The following PPP1R1C variants were observed in gnomAD, a reference collection of about 807,000 sequenced individuals.
The protein encoded by PPP1R1C is protein phosphatase 1 regulatory subunit 1C.
A neutral mutation model predicts 17.4 loss-of-function variants in PPP1R1C; 15 were observed. The observed-to-expected ratio is 0.86, with a 90% confidence interval of 0.58 to 1.33. The LOEUF (loss-of-function observed/expected upper bound fraction) is 1.33, where lower values mean the gene tolerates loss of function less well. Ranked by LOEUF, PPP1R1C falls within the 40% of genes most tolerant of loss-of-function variation. The pLI, the probability that PPP1R1C is intolerant of heterozygous loss-of-function variation, is 0.00. For synonymous variants in PPP1R1C, 35 were observed against 43.1 expected (o/e 0.81, Z 0.73); for missense variants, 143 against 130.0 (o/e 1.10, Z -0.48).
chr2:182,032,337 C>G (rs963482346), intron 2 of PPP1R1C, among the ~76,000 whole-genome samples: 13 of 152,208 alleles, frequency 8.5e-5, no homozygotes, highest in African/African-American at 2.9e-4. Flanking sequence ...TGAGACCTAC[C>G]CTGTCTACCA....
At chr2:182,018,658 A>G (rs910825637) in intron 2 of PPP1R1C, among the ~76,000 whole-genome samples, 1 of 152,234 alleles carries the variant, frequency 6.6e-6, no homozygotes, top group African/African-American at 2.4e-5. Context: ...TCTATGAGCT[A>G]GAACATGATG....
chr2:182,083,200 C>T (rs1352854592), intron 4 of PPP1R1C, among the ~76,000 whole-genome samples: 1 of 152,116 alleles, frequency 6.6e-6, no homozygotes, highest in Non-Finnish European at 1.5e-5. Context: ...TGGTTTCAGT[C>T]TTCAAAACAA....
At chr2:181,966,413 C>T (rs1285632908) in intron 1 of PPP1R1C, among the ~76,000 whole-genome samples, 2 of 152,078 alleles carry the variant, frequency 1.3e-5, no homozygotes, top group African/African-American at 4.8e-5. Context: ...CAGTTTTTCC[C>T]CATTCAGTAT....
intron 4 of PPP1R1C, among the ~76,000 whole-genome samples, chr2:182,091,566 G>A (rs1208510839): frequency 1.3e-5 from 2 of 152,088 alleles, no homozygotes; most frequent in African/African-American, 2.4e-5. Flanking sequence ...TTATTTCTAG[G>A]ATAGAAGATA....
At chr2:182,101,220 A>G (rs1453936155) in intron 4 of PPP1R1C, among the ~76,000 whole-genome samples, 2 of 152,208 alleles carry the variant, frequency 1.3e-5, no homozygotes, top group South Asian at 2.1e-4. Context: ...GCAGCCTCCA[A>G]TTGTAGAAAA....
At chr2:182,043,937 G>A (rs2701664) in intron 2 of PPP1R1C, among the ~76,000 whole-genome samples, 115,845 of 152,052 alleles carry the variant, frequency 0.76, 44,433 homozygotes, top group African/African-American at 0.79. Context: ...TGGATAATCA[G>A]TAAGCACCAC....
intron 4 of PPP1R1C, among the ~76,000 whole-genome samples, chr2:182,068,192 C>G (rs1688042455): frequency 6.6e-6 from 1 of 152,106 alleles, no homozygotes; most frequent in African/African-American, 2.4e-5. Context: ...TCTCACTTCT[C>G]TCATGGGGAA....
chr2:181,977,366 C>T (rs930287536), intron 2 of PPP1R1C, among the ~76,000 whole-genome samples: 2 of 151,790 alleles, frequency 1.3e-5, no homozygotes, highest in African/African-American at 2.4e-5. Context: ...CTTCTTACTC[C>T]TCTGATTGTA....
chr2:181,959,812 T>A (rs956199097), intron 1 of PPP1R1C, among the ~76,000 whole-genome samples: 6 of 152,194 alleles, frequency 3.9e-5, no homozygotes, highest in Admixed American at 3.3e-4. Context: ...AGTATCACTG[T>A]CACTATACAT....
rs953114696 is a variant in PPP1R1C, at chr2:182,114,798, G to A, written c.242-2409G>A. On this transcript the variant is annotated intron_variant, in intron 4 of 4. Coordinates refer to ENST00000682840, the MANE Select transcript of PPP1R1C (RefSeq NM_001080545.3). ...AAGACCTTCTAACATTTGTCCAAGCGAGTGATTTTACTTTGAAAAAGGTTT... is the reference window on the plus strand; with the variant it reads ...AAGACCTTCTAACATTTGTCCAAGCAAGTGATTTTACTTTGAAAAAGGTTT... Among the ~76,000 whole-genome samples, 18 of 152,122 alleles carry A rather than the reference G, an allele frequency of 1.2e-4. 1 individual carries two copies. The highest frequency in any genetic ancestry group is 1.2e-3 in the Admixed American group (18 of 15,262).
intron 1 of PPP1R1C, among the ~76,000 whole-genome samples, chr2:181,960,705 C>T (rs1684761174): frequency 2.0e-5 from 3 of 152,204 alleles, no homozygotes; most frequent in Admixed American, 1.3e-4. Flanking sequence ...TGCAGTCTCT[C>T]CACTTACAGG....
intron 4 of PPP1R1C, among the ~76,000 whole-genome samples, chr2:182,081,327 AT>A (rs1190506300): frequency 5.3e-5 from 8 of 152,190 alleles, no homozygotes; most frequent in Admixed American, 2.0e-4. Context: ...GTATTGTATA[AT>A]TTTTTTTCAA....
intron 2 of PPP1R1C, among the ~76,000 whole-genome samples, chr2:182,005,763 T>C (rs1453289469): frequency 6.6e-6 from 1 of 152,170 alleles, no homozygotes; most frequent in East Asian, 1.9e-4. Context: ...TGCCAGGTAG[T>C]GTGGTATAAC....
rs1574342629 is a variant in PPP1R1C, at chr2:181,967,316, G to A, written n.112-7903G>A. On this transcript the variant is annotated intron_variant and non_coding_transcript_variant, in intron 1 of 5. Coordinates refer to the PPP1R1C transcript ENST00000464264. The surrounding 1 kb of genome is among the most constrained non-coding windows in gnomAD (Gnocchi z 5.5). ...TTTATTTCTGCTCTGATACCTGTGG[G>A]GTTTTTTTTCTTGTACTAATTTTGG... 6.6e-6 allele frequency among the ~76,000 whole-genome samples: 1 copy of A among 151,640 alleles called. No individual in the cohort carries two copies. The highest frequency in any genetic ancestry group is 1.9e-4 in the East Asian group (1 of 5,164).
At chr2:182,052,488 TATC>T (rs1477999639) in intron 2 of PPP1R1C, among the ~76,000 whole-genome samples, 1 of 152,230 alleles carries the variant, frequency 6.6e-6, no homozygotes, top group East Asian at 1.9e-4. Context: ...TTGTGTGTCA[TATC>T]ATCCCACACA....
chr2:182,122,567 A>G, downstream of PPP1R1C, among the ~76,000 whole-genome samples: 1 of 152,102 alleles, frequency 6.6e-6, no homozygotes, highest in East Asian at 1.9e-4. Context: ...TTTTTGAGGA[A>G]ATGATAATTT....
chr2:182,129,770 C>T (rs1666482352), exon 6 of PPP1R1C: 2 of 152,044 alleles, frequency 1.3e-5, no homozygotes, highest in South Asian at 4.1e-4. Context: ...ATAAAAAAGC[C>T]TATCCTCCTT....
upstream of PPP1R1C, among the ~76,000 whole-genome samples, chr2:181,982,177 C>T (rs1289205751): frequency 6.6e-6 from 1 of 152,180 alleles, no homozygotes; most frequent in Non-Finnish European, 1.5e-5. Context: ...TCAAAGAAAG[C>T]ACTTGTTAAT....
At chr2:182,118,009 C>T (rs1250923649), downstream of PPP1R1C, 1 of 152,134 alleles carries the variant, frequency 6.6e-6, no homozygotes, top group African/African-American at 2.4e-5. Flanking sequence ...AAAATCTATG[C>T]CAAATCTTCC....
Sources: gnomAD v4.1 joint callset for allele counts (sites outside exome capture counted in the v4.1 genomes callset) on GRCh38, gnomAD v4.1.1 for gene constraint, Gnocchi (gnomAD v3.1) non-coding constraint, MANE v1.5 for transcripts, NCBI Gene and HGNC (gene_info 2026-07-23, HGNC 2026-07-21) for gene names.